INSL6: variants seen among roughly 807,000 people sequenced by gnomAD.
INSL6 encodes the protein insulin like 6, also known as insulin-like peptide INSL6.
Under a neutral mutation model 9.4 loss-of-function variants are expected in INSL6, and 16 were observed. That is an observed-to-expected ratio of 1.70 (90% CI 1.15 to 2.59). The LOEUF (loss-of-function observed/expected upper bound fraction) is 2.59, where lower values mean the gene tolerates loss of function less well. INSL6 is among the 30% of genes most tolerant of loss of function. The pLI, the probability that INSL6 is intolerant of heterozygous loss-of-function variation, is 0.00. For synonymous variants in INSL6, 154 were observed against 96.9 expected (o/e 1.59, Z -3.46); for missense variants, 391 against 257.3 (o/e 1.52, Z -3.56).
chr9:5,046,957 T>A, the INSL6 span, among the ~76,000 whole-genome samples: 2 of 152,210 alleles, frequency 1.3e-5, no homozygotes, highest in African/African-American at 4.8e-5. Flanking sequence ...ATATTAATAC[T>A]GCAATGTCTA....
the INSL6 span, among the ~76,000 whole-genome samples, chr9:5,086,789 G>A: frequency 2.0e-5 from 3 of 152,106 alleles, no homozygotes; most frequent in Admixed American, 1.3e-4. Context: ...GGTATTGCTA[G>A]TGTCTTTCAC....
chr9:5,173,724 T>C (rs962007597), intron 1 of INSL6, among the ~76,000 whole-genome samples: 3 of 151,498 alleles, frequency 2.0e-5, no homozygotes, highest in Non-Finnish European at 2.9e-5. Flanking sequence ...CGTTTACCTA[T>C]GTAATGAACT....
chr9:5,180,662 T>C (rs139305475), intron 1 of INSL6, among the ~76,000 whole-genome samples: 6 of 152,278 alleles, frequency 3.9e-5, no homozygotes, highest in Non-Finnish European at 7.4e-5. Context: ...GGTAAATTTG[T>C]GGTCAGACTG....
chr9:5,155,947 A>G (rs1180329336), intron 2 of INSL6, among the ~76,000 whole-genome samples: 1 of 152,192 alleles, frequency 6.6e-6, no homozygotes, highest in Non-Finnish European at 1.5e-5. Flanking sequence ...AGACCAATAC[A>G]TTTGTAAACC....
the INSL6 span, chr9:5,072,540 C>T: frequency 6.2e-7 from 1 of 1,605,890 alleles, no homozygotes; most frequent in Non-Finnish European, 8.5e-7. Context: ...TAAAGGCGTA[C>T]GAAGAGAAGT....
At chr9:5,175,210 G>A (rs1302726928) in intron 1 of INSL6, among the ~76,000 whole-genome samples, 4 of 152,102 alleles carry the variant, frequency 2.6e-5, no homozygotes, top group African/African-American at 9.7e-5. Context: ...AAAGTGCTGG[G>A]ATTACAGGCA....
chr9:5,081,106 A>G, the INSL6 span, among the ~76,000 whole-genome samples: 6 of 151,940 alleles, frequency 3.9e-5, no homozygotes, highest in East Asian at 1.9e-4. Flanking sequence ...CGTGTTAGCC[A>G]GGATGGTCTC....
chr9:5,081,861 G>A, the INSL6 span: 7 of 1,610,402 alleles, frequency 4.3e-6, no homozygotes, highest in African/African-American at 6.7e-5. Context: ...AACTTGGCAA[G>A]GTAAATTGTC....
chr9:5,017,049 G>C, the INSL6 span, among the ~76,000 whole-genome samples: 4 of 152,204 alleles, frequency 2.6e-5, no homozygotes, highest in African/African-American at 9.7e-5. Flanking sequence ...TGCTGCTAAT[G>C]CAAACAAGTT....
Position 5,134,962 on chromosome 9 carries a change from A to G in INSL6, c.377-1370T>C, listed in dbSNP as rs1031887489. 2.0e-5 allele frequency among the ~76,000 whole-genome samples: 3 copies of G among 152,202 alleles called. No homozygotes were observed. In the East Asian group the frequency reaches 5.8e-4, roughly 29 times the overall value. On this transcript the variant is annotated intron_variant, in intron 2 of 3. Transcript: ENST00000649639. The stretch of plus-strand genomic sequence containing the variant: ...ACCCAGCTCACATGCAAAGACACAC[A>G]TAGGCTCAAAATAAAGGAATGGAGG...
At chr9:4,999,845 C>T in the INSL6 span, among the ~76,000 whole-genome samples, 1 of 152,150 alleles carries the variant, frequency 6.6e-6, no homozygotes. Flanking sequence ...AATATTTAGA[C>T]TTGTTTCATA....
At chr9:5,134,308 C>G (rs1365732355) in intron 2 of INSL6, among the ~76,000 whole-genome samples, 2 of 152,174 alleles carry the variant, frequency 1.3e-5, no homozygotes, top group Admixed American at 1.3e-4. Context: ...CCTAGCAAGG[C>G]AGGCCAACAT....
chr9:5,049,959 A>G, the INSL6 span, among the ~76,000 whole-genome samples: 8 of 152,314 alleles, frequency 5.3e-5, no homozygotes, highest in African/African-American at 1.7e-4. Context: ...CAGTATTACA[A>G]TCTTATGGAA....
the INSL6 span, among the ~76,000 whole-genome samples, chr9:5,001,171 A>G: frequency 1.3e-5 from 2 of 152,166 alleles, no homozygotes; most frequent in East Asian, 1.9e-4. Context: ...CTTTCATTTC[A>G]ATCTCTATGT....
chr9:5,125,741 G>A (rs10114315), intron 3 of INSL6, among the ~76,000 whole-genome samples: 38,125 of 128,726 alleles, frequency 0.3, 5,105 homozygotes, highest in African/African-American at 0.33. Flanking sequence ...TCTTAATGTG[G>A]TTGACTATAT....
the INSL6 span, among the ~76,000 whole-genome samples, chr9:5,077,049 A>C: frequency 3.3e-5 from 5 of 152,008 alleles, no homozygotes; most frequent in Admixed American, 1.3e-4. Flanking sequence ...TGTCTATAGT[A>C]CTATAGACAA....
At chr9:5,172,518 C>T (rs189215062) in intron 1 of INSL6, among the ~76,000 whole-genome samples, 1 of 152,174 alleles carries the variant, frequency 6.6e-6, no homozygotes, top group Non-Finnish European at 1.5e-5. Context: ...TCAGAGTGAA[C>T]AGACAACCTA....
rs896346615 is a variant in INSL6, at chr9:5,171,701, G to A, written c.290-7436C>T. ...ACACATTCCTGTATACCAAGAACAA[G>A]AAAGCAGAGAGCTGAATTATGAATG... On this transcript the variant is annotated intron_variant, in intron 1 of 1. Coordinates refer to ENST00000381641, the MANE Select transcript of INSL6 (RefSeq NM_007179.3). 2.6e-5 allele frequency among the ~76,000 whole-genome samples: 4 copies of A among 152,214 alleles called. No homozygotes were observed. In the East Asian group the frequency reaches 7.7e-4, roughly 29 times the overall value.
At chr9:5,055,525 T>TAAATC in the INSL6 span, 2 of 575,048 alleles carry the variant, frequency 3.5e-6, no homozygotes, top group Non-Finnish European at 5.8e-6. Context: ...ATTGATAGAG[T>TAAATC]AAATCACGTT....
Sources: gnomAD v4.1 joint callset for allele counts (sites outside exome capture counted in the v4.1 genomes callset) on GRCh38, gnomAD v4.1.1 for gene constraint, MANE v1.5 for transcripts, NCBI Gene and HGNC (gene_info 2026-07-23, HGNC 2026-07-21) for gene names.